Variants in EYA4 observed in about 807,000 individuals in gnomAD.
The protein encoded by EYA4 is protein phosphatase EYA4.
In EYA4, 31 loss-of-function variants were observed where a neutral mutation model predicts 87.9. The observed-to-expected ratio is 0.35, with a 90% CI of 0.27 to 0.48. The LOEUF is 0.48. EYA4 is among the 20% of genes least tolerant of loss of function. EYA4 has a pLI of 0.99. For synonymous variants in EYA4, 263 were observed against 270.6 expected (o/e 0.97, Z 0.28); for missense variants, 678 against 761.4 (o/e 0.89, Z 1.29).
intron 2 of EYA4, among the ~76,000 whole-genome samples, chr6:133,371,819 G>A (rs1284845201): frequency 2.0e-5 from 3 of 152,098 alleles, no homozygotes; most frequent in African/African-American, 4.8e-5. Flanking sequence ...GACTTCCTAC[G>A]TGTATTGAGG....
intron 1 of EYA4, among the ~76,000 whole-genome samples, chr6:133,273,258 A>G (rs895062976): frequency 1.3e-5 from 2 of 152,060 alleles, no homozygotes; most frequent in Non-Finnish European, 2.9e-5. Flanking sequence ...GGAGGCATCT[A>G]GCACGGGAGA....
chr6:133,523,279 TG>T, intron 18 of EYA4, 102 bp downstream of exon 18: 1 of 1,252,340 alleles, frequency 8.0e-7, no homozygotes, highest in Non-Finnish European at 1.2e-6. Flanking sequence ...GAAACAAATT[TG>T]GATAAAGTTC....
rs779810823 is a variant in EYA4 at position 133,448,159 on chromosome 6, A to G, written c.257A>G (p.Asn86Ser). 4.3e-6 allele frequency: 7 copies of G among 1,613,470 alleles called. No homozygotes were observed. Among genetic ancestry groups the G allele is most frequent in the Non-Finnish European group, 5.9e-6 (7 of 1,179,426 alleles). ...ACAGCAGACTGGTTGCTGAGTTGCA[A>G]CACCCCCTCTTCTGCAACAAGTATG... ...LNTADWLLSC[N>S]TPSSATMSLL... The change falls in exon 5 of 20, where the codon AAC becomes AGC. Residue 86 changes from asparagine (N) to serine (S), a missense_variant. Coordinates refer to ENST00000355286, the MANE Select transcript of EYA4 (RefSeq NM_004100.5).
At chr6:133,340,686 G>A (rs1373895521) in intron 2 of EYA4, among the ~76,000 whole-genome samples, 1 of 152,032 alleles carries the variant, frequency 6.6e-6, no homozygotes, top group Non-Finnish European at 1.5e-5. Context: ...GTGAGGAGAG[G>A]GACTCGAAGC....
chr6:133,509,175 C>A (rs191229822), intron 14 of EYA4, among the ~76,000 whole-genome samples: 1 of 152,100 alleles, frequency 6.6e-6, no homozygotes, highest in Non-Finnish European at 1.5e-5. Flanking sequence ...ACATACATAG[C>A]GCCCTATCCT....
chr6:133,531,372 C>A lies in EYA4; in HGVS notation c.*2567C>A. The A allele has an allele frequency of 1.7e-6, 1 of 598,450 alleles. No individual in the cohort carries two copies. The highest frequency in any genetic ancestry group is 2.5e-5 in the South Asian group (1 of 40,738). 37.1% of individuals were successfully genotyped at this position (598,450 alleles called of 1,614,324 possible). On this transcript the variant is annotated 3_prime_UTR_variant, in exon 20 of 20. Transcript: ENST00000355286. The stretch of plus-strand genomic sequence containing the variant: ...TCCCACCTTAGGAATAGAAAATCCT[C>A]TTCCTTTCTAATCTGAAAAACGAAA...
At chr6:133,396,741 C>T (rs886098615) in intron 3 of EYA4, among the ~76,000 whole-genome samples, 1 of 152,034 alleles carries the variant, frequency 6.6e-6, no homozygotes, top group African/African-American at 2.4e-5. Flanking sequence ...TATGTGCATG[C>T]ATGCAACATG....
intron 11 of EYA4, among the ~76,000 whole-genome samples, chr6:133,477,438 C>T (rs956351912): frequency 5.9e-5 from 9 of 151,984 alleles, no homozygotes; most frequent in Admixed American, 4.6e-4. Context: ...CATGCCAACC[C>T]ATTGCCCATT....
chr6:133,530,909 T>G lies in EYA4; in HGVS notation c.*2104T>G, dbSNP rs369227704. On this transcript the variant is annotated 3_prime_UTR_variant, in exon 20 of 20. Transcript: ENST00000355286. ...GCTTGAAAATAGCAGTTAAAAAAAT[T>G]TAAATGTTGCCTTGATTATCAGTAC... The G allele has an allele frequency of 8.1e-6, 9 of 1,107,388 alleles. No homozygotes were observed. In the South Asian group the frequency reaches 2.1e-4, roughly 26 times the overall value. The allele number at this position is 1,107,388 out of a possible 1,614,324, so 68.6% of individuals were successfully genotyped here.
chr6:133,363,664 A>G (rs1242824735), intron 2 of EYA4, among the ~76,000 whole-genome samples: 1 of 151,828 alleles, frequency 6.6e-6, no homozygotes, highest in Non-Finnish European at 1.5e-5. Flanking sequence ...TTTAGTAGAG[A>G]CAGGGTTTCA....
intron 2 of EYA4, among the ~76,000 whole-genome samples, chr6:133,298,932 T>A (rs1387900901): frequency 2.0e-5 from 3 of 152,194 alleles, no homozygotes; most frequent in African/African-American, 7.2e-5. Flanking sequence ...TCCACAGCTC[T>A]GCTGTGGATA....
At chr6:133,433,607 G>A (rs1315904084) in intron 3 of EYA4, among the ~76,000 whole-genome samples, 1 of 152,126 alleles carries the variant, frequency 6.6e-6, no homozygotes, top group Non-Finnish European at 1.5e-5. Flanking sequence ...ACCCACCTTG[G>A]CCTCCCAAAA....
intron 2 of EYA4, among the ~76,000 whole-genome samples, chr6:133,329,431 GAAATCAA>G (rs1304474595): frequency 2.0e-5 from 3 of 152,082 alleles, no homozygotes; most frequent in Non-Finnish European, 4.4e-5. Flanking sequence ...CGGAGAATTT[GAAATCAA>G]ATGACAATTT....
intron 2 of EYA4, among the ~76,000 whole-genome samples, chr6:133,336,681 A>G (rs558332761): frequency 3.3e-5 from 5 of 152,176 alleles, no homozygotes; most frequent in Non-Finnish European, 5.9e-5. Context: ...GTTAATTTTT[A>G]TAGGTTTGAT....
At chr6:133,266,458 A>G (rs1776233491) in intron 1 of EYA4, among the ~76,000 whole-genome samples, 1 of 152,166 alleles carries the variant, frequency 6.6e-6, no homozygotes. Flanking sequence ...AACTGTGAGA[A>G]TAGATTTCAG....
intron 3 of EYA4, among the ~76,000 whole-genome samples, chr6:133,402,721 T>TAC (rs66487611): frequency 0.06 from 8,941 of 148,222 alleles, 505 homozygotes; most frequent in East Asian, 0.31. Context: ...TGAAATGTGA[T>TAC]ACACACACAC....
At chr6:133,376,810 A>G (rs1785730729) in intron 2 of EYA4, among the ~76,000 whole-genome samples, 1 of 152,046 alleles carries the variant, frequency 6.6e-6, no homozygotes, top group Non-Finnish European at 1.5e-5. Flanking sequence ...ATTATTCTCA[A>G]TACCAAATCA....
intron 2 of EYA4, among the ~76,000 whole-genome samples, chr6:133,370,136 C>T (rs1431167024): frequency 6.6e-6 from 1 of 152,172 alleles, no homozygotes; most frequent in African/African-American, 2.4e-5. Context: ...ATAAACCTCT[C>T]AGAGCATTCT....
chr6:133,520,011 A>G lies in EYA4; in HGVS notation c.1617-3045A>G, dbSNP rs964331846. Among the ~76,000 whole-genome samples the G allele has an allele frequency of 2.6e-4, 39 of 152,130 alleles. No individual in the cohort carries two copies. The East Asian group carries it at 5.6e-3, about 22-fold the overall frequency. Reference sequence around the variant, plus strand: ...AAAATAATAAGAGCTATCTATGACAAACCCACAGCCAATATCATACTGAAT... The same window carrying G: ...AAAATAATAAGAGCTATCTATGACAGACCCACAGCCAATATCATACTGAAT... On this transcript the variant is annotated intron_variant, in intron 17 of 19. Coordinates refer to ENST00000355286, the MANE Select transcript of EYA4 (RefSeq NM_004100.5).
Sources: allele counts gnomAD v4.1 joint callset (sites outside exome capture counted in the v4.1 genomes callset), GRCh38; gene constraint gnomAD v4.1.1; transcripts MANE v1.5; gene names NCBI Gene and HGNC (gene_info 2026-07-23, HGNC 2026-07-21).